Variants in THSD7B observed in about 807,000 individuals in gnomAD.
THSD7B encodes the protein thrombospondin type-1 domain-containing protein 7B.
Under a neutral mutation model 213.6 loss-of-function variants are expected in THSD7B, and 138 were observed. The observed-to-expected ratio is 0.65, with a 90% CI of 0.56 to 0.74. The LOEUF is 0.74. Ranked by LOEUF, THSD7B falls within the 30% of genes least tolerant of loss-of-function variation. The probability of loss-of-function intolerance (pLI) is 0.00; values close to 1 mark genes in which losing one functional copy is unlikely to be tolerated. For synonymous variants in THSD7B, 742 were observed against 687.0 expected (o/e 1.08, Z -1.25); for missense variants, 1,931 against 1,991.5 (o/e 0.97, Z 0.58).
At chr2:137,474,132 A>T (rs567129448) in intron 15 of THSD7B, among the ~76,000 whole-genome samples, 79 of 152,336 alleles carry the variant, frequency 5.2e-4, no homozygotes, top group African/African-American at 1.8e-3. Context: ...AAGTGTATGT[A>T]CAATGTATTT....
At chr2:137,096,176 T>C (rs1366584454) in intron 4 of THSD7B, among the ~76,000 whole-genome samples, 1 of 152,210 alleles carries the variant, frequency 6.6e-6, no homozygotes, top group African/African-American at 2.4e-5. Context: ...CCCTGAACTG[T>C]ATCTGTTAAA....
intron 17 of THSD7B, among the ~76,000 whole-genome samples, chr2:137,598,885 T>A (rs1309161687): frequency 1.3e-5 from 2 of 151,350 alleles, no homozygotes; most frequent in East Asian, 3.9e-4. Flanking sequence ...TTCTTTTTTT[T>A]TTTTATTATT....
intron 12 of THSD7B, among the ~76,000 whole-genome samples, chr2:137,399,034 G>A (rs1343184126): frequency 2.0e-5 from 3 of 152,028 alleles, no homozygotes; most frequent in Admixed American, 6.5e-5. Flanking sequence ...CGCGCACGGT[G>A]CGCGCACCCA....
At chr2:137,475,060 G>A (rs1015027426) in intron 15 of THSD7B, among the ~76,000 whole-genome samples, 3 of 152,170 alleles carry the variant, frequency 2.0e-5, no homozygotes, top group Non-Finnish European at 4.4e-5. Flanking sequence ...TGACCTCGAT[G>A]TGCTTGATTG....
intron 12 of THSD7B, among the ~76,000 whole-genome samples, chr2:137,377,632 CTTT>C (rs113931649): frequency 6.9e-6 from 1 of 145,450 alleles, no homozygotes; most frequent in African/African-American, 2.5e-5. Context: ...ATAAAATTCA[CTTT>C]TTTTTTTTTG....
At chr2:136,873,253 T>C (rs1398614890) in intron 1 of THSD7B, among the ~76,000 whole-genome samples, 1 of 152,122 alleles carries the variant, frequency 6.6e-6, no homozygotes, top group African/African-American at 2.4e-5. Context: ...ATTGCAATTA[T>C]AATATAGCAA....
At position 137,231,167 on chromosome 2, in the gene THSD7B, C is replaced by T. The variant is rs774449794; in HGVS notation, c.1847C>T (p.Ser616Phe). 1 of 1,613,570 alleles carries T rather than the reference C, an allele frequency of 6.2e-7. No individual in the cohort carries two copies. The highest frequency in any genetic ancestry group is 8.5e-7 in the Non-Finnish European group (1 of 1,179,716). Residue 616 changes from serine (S) to phenylalanine (F), a missense_variant, in exon 8 of 28, where the codon TCC becomes TTC. Ser to Phe is a radical substitution (Grantham distance 155, BLOSUM62 -2). Transcript: ENST00000409968. ...EWTEWSSCSQSCSNKNSDGKQ... is the reference protein window; with the variant it reads ...EWTEWSSCSQFCSNKNSDGKQ... ...ACGGAGTGGTCATCCTGTTCCCAGT[C>T]CTGTTCAAATAAAAACTCAGATGGG...
At chr2:137,601,463 T>C (rs931083177) in intron 17 of THSD7B, among the ~76,000 whole-genome samples, 3 of 152,240 alleles carry the variant, frequency 2.0e-5, no homozygotes, top group Non-Finnish European at 4.4e-5. Flanking sequence ...TAGTATACAG[T>C]ATTCTGTACA....
intron 2 of THSD7B, among the ~76,000 whole-genome samples, chr2:136,889,448 C>T (rs1157510779): frequency 6.6e-6 from 1 of 152,152 alleles, no homozygotes; most frequent in Non-Finnish European, 1.5e-5. Context: ...AGATCTACTC[C>T]TCTCCTCCTT....
chr2:137,313,188 C>T (rs906709101), intron 12 of THSD7B, among the ~76,000 whole-genome samples: 3 of 152,152 alleles, frequency 2.0e-5, no homozygotes, highest in Non-Finnish European at 2.9e-5. Flanking sequence ...AATCTGGGTG[C>T]TCCTGTATTG....
chr2:136,881,625 T>C (rs978147227), intron 1 of THSD7B, among the ~76,000 whole-genome samples: 2 of 152,066 alleles, frequency 1.3e-5, no homozygotes, highest in African/African-American at 4.8e-5. Flanking sequence ...CCTGATTTTA[T>C]TTCAGAGAAA....
chr2:137,195,758 C>T (rs1389174347), intron 7 of THSD7B, among the ~76,000 whole-genome samples: 1 of 152,036 alleles, frequency 6.6e-6, no homozygotes, highest in African/African-American at 2.4e-5. Flanking sequence ...AATCAGTATT[C>T]GTAACCATCA....
At chr2:137,091,688 C>T (rs1272322507) in intron 3 of THSD7B, among the ~76,000 whole-genome samples, 2 of 151,988 alleles carry the variant, frequency 1.3e-5, no homozygotes, top group East Asian at 3.9e-4. Flanking sequence ...GTGTGCTAAT[C>T]TCTTATAAGG....
At chr2:137,527,015 G>C (rs555013239) in intron 15 of THSD7B, among the ~76,000 whole-genome samples, 1 of 152,212 alleles carries the variant, frequency 6.6e-6, no homozygotes, top group South Asian at 2.1e-4. Context: ...CTTCCTTAGA[G>C]AAATGAATAA....
At chr2:137,639,191 C>CG in intron 20 of THSD7B, among the ~76,000 whole-genome samples, 1 of 151,992 alleles carries the variant, frequency 6.6e-6, no homozygotes, top group Middle Eastern at 3.4e-3. Flanking sequence ...TTGTGGGCCT[C>CG]GGGACTTGGT....
chr2:137,005,090 A>G (rs1686078324), intron 2 of THSD7B, among the ~76,000 whole-genome samples: 1 of 152,254 alleles, frequency 6.6e-6, no homozygotes, highest in African/African-American at 2.4e-5. Context: ...ATGTATATGC[A>G]CTATGTAGCA....
At chr2:137,232,104 A>G (rs1681653612) in intron 8 of THSD7B, among the ~76,000 whole-genome samples, 1 of 152,226 alleles carries the variant, frequency 6.6e-6, no homozygotes, top group African/African-American at 2.4e-5. Context: ...TAACAAAACC[A>G]AGGTCACAGA....
chr2:137,676,549 A>G lies in THSD7B; in HGVS notation c.4765A>G (p.Thr1589Ala). 6.3e-7 allele frequency: 1 copy of G among 1,598,004 alleles called. No homozygotes were observed. The highest frequency in any genetic ancestry group is 8.5e-7 in the Non-Finnish European group (1 of 1,172,824). ...CAAGAAGCCAAAACCACATCAAAGC[A>G]CACCTCCCCAACAGAAGCCTCTGAC... is the stretch of plus-strand genomic sequence containing the variant. ...VCKKPKPHQS[T>A]PPQQKPLTLA... is the part of the protein sequence containing the mutation. The change falls in exon 28 of 28, where the codon ACA (threonine) becomes GCA (alanine). Residue 1589 changes from threonine (T) to alanine (A), a missense_variant. By Grantham distance (58) the Thr-to-Ala change is moderately conservative. Transcript: ENST00000409968.
chr2:137,320,866 T>C (rs937780102), intron 12 of THSD7B, among the ~76,000 whole-genome samples: 2 of 152,238 alleles, frequency 1.3e-5, no homozygotes, highest in Non-Finnish European at 1.5e-5. Flanking sequence ...GGCATTTTTT[T>C]CTCTGAAGCC....
Sources: gnomAD v4.1 joint callset for allele counts (sites outside exome capture counted in the v4.1 genomes callset) on GRCh38, gnomAD v4.1.1 for gene constraint, MANE v1.5 for transcripts, NCBI Gene and HGNC (gene_info 2026-07-23, HGNC 2026-07-21) for gene names.